The following PCDH7 variants were observed in gnomAD, a reference collection of about 807,000 sequenced individuals.
The protein encoded by PCDH7 is protocadherin 7.
In PCDH7, 17 loss-of-function variants were observed where a neutral mutation model predicts 58.9. The observed-to-expected ratio is 0.29, with a 90% CI of 0.20 to 0.43. The LOEUF is 0.43. Among genes scored for constraint, PCDH7 ranks in the 20% least tolerant of loss-of-function variants. The pLI is 1.00. For missense variants in PCDH7, 1,274 were observed against 1,441.0 expected (o/e 0.88, Z 1.88); for synonymous variants, 664 against 616.4 (o/e 1.08, Z -1.14).
At chr4:31,027,135 T>C (rs997120537) in intron 3 of PCDH7, among the ~76,000 whole-genome samples, 4 of 152,064 alleles carry the variant, frequency 2.6e-5, no homozygotes, top group Non-Finnish European at 5.9e-5. Context: ...TAAATTTATC[T>C]TTACCAGACC....
chr4:30,823,584 C>A (rs1303916776), intron 1 of PCDH7, among the ~76,000 whole-genome samples: 1 of 151,924 alleles, frequency 6.6e-6, no homozygotes, highest in Non-Finnish European at 1.5e-5. Context: ...GATGCTACCT[C>A]GGCGTACAGG....
chr4:30,817,664 A>G lies in PCDH7; in HGVS notation c.70+93068A>G, dbSNP rs576300695. ...TTGACCTGTCAGCATTTTTCAGGATATGGTGGATTTTTTTTTTTAGAGGGC... is the reference window on the plus strand; with the variant it reads ...TTGACCTGTCAGCATTTTTCAGGATGTGGTGGATTTTTTTTTTTAGAGGGC... On this transcript the variant is annotated intron_variant, in intron 1 of 3. Transcript: ENST00000509759. Among the ~76,000 whole-genome samples the G allele has an allele frequency of 3.0e-3, 460 of 151,924 alleles. 3 individuals are homozygous for G. Among genetic ancestry groups the G allele is most frequent in the Middle Eastern group, 6.8e-3 (2 of 294 alleles).
At chr4:31,125,153 A>T (rs1272779385) in intron 3 of PCDH7, among the ~76,000 whole-genome samples, 1 of 152,114 alleles carries the variant, frequency 6.6e-6, no homozygotes, top group African/African-American at 2.4e-5. Context: ...GTCTATTTTG[A>T]CTTGGATACA....
intron 1 of PCDH7, among the ~76,000 whole-genome samples, chr4:30,760,883 A>G (rs535483669): frequency 3.9e-5 from 6 of 152,258 alleles, no homozygotes; most frequent in Admixed American, 1.3e-4. Context: ...GGTCTTACAG[A>G]GTGGGGTGCC....
At chr4:30,942,392 CT>C (rs941051179) in intron 2 of PCDH7, among the ~76,000 whole-genome samples, 1 of 151,920 alleles carries the variant, frequency 6.6e-6, no homozygotes. Flanking sequence ...ATGAAGTGTG[CT>C]TTATATTTCA....
At chr4:31,055,777 A>C (rs1383549611) in intron 3 of PCDH7, among the ~76,000 whole-genome samples, 3 of 151,898 alleles carry the variant, frequency 2.0e-5, no homozygotes, top group Admixed American at 2.0e-4. Context: ...GGGTTTCGCC[A>C]TGTTAGCCAG....
intron 1 of PCDH7, among the ~76,000 whole-genome samples, chr4:30,911,242 G>A (rs1409097263): frequency 1.3e-5 from 2 of 151,586 alleles, no homozygotes; most frequent in Non-Finnish European, 2.9e-5. Flanking sequence ...GAACCACCAG[G>A]GCATCTGTAT....
At chr4:30,732,168 GA>G (rs1448956468) in exon 2 of PCDH7, 1 of 152,114 alleles carries the variant, frequency 6.6e-6, no homozygotes. Flanking sequence ...GAAATTTTCA[GA>G]AACATCACTG....
At chr4:30,916,117 G>T (rs1281552476) in intron 1 of PCDH7, among the ~76,000 whole-genome samples, 1 of 152,124 alleles carries the variant, frequency 6.6e-6, no homozygotes, top group Non-Finnish European at 1.5e-5. Context: ...AAAATAATGG[G>T]CATAAAAATA....
intron 1 of PCDH7, among the ~76,000 whole-genome samples, chr4:30,745,335 A>C (rs1717641021): frequency 6.6e-6 from 1 of 150,516 alleles, no homozygotes; most frequent in Non-Finnish European, 1.5e-5. Context: ...TTCTTTTACA[A>C]TTTCTAATTA....
At chr4:30,845,568 C>T (rs1460537384) in intron 1 of PCDH7, among the ~76,000 whole-genome samples, 4 of 151,986 alleles carry the variant, frequency 2.6e-5, no homozygotes, top group Non-Finnish European at 4.4e-5. Flanking sequence ...AGTTACAACG[C>T]AATAGGAAAT....
At chr4:30,744,145 C>G (rs1717453933) in intron 1 of PCDH7, among the ~76,000 whole-genome samples, 1 of 152,064 alleles carries the variant, frequency 6.6e-6, no homozygotes, top group Admixed American at 6.6e-5. Flanking sequence ...CTCACTGTCT[C>G]AGAGGAAGTC....
chr4:30,853,397 G>A (rs997706225), intron 1 of PCDH7, among the ~76,000 whole-genome samples: 6 of 151,996 alleles, frequency 3.9e-5, no homozygotes, highest in Admixed American at 1.3e-4. Context: ...AGTCTTCTAG[G>A]TGTAGCCACA....
At chr4:31,110,591 G>A (rs1716160179) in intron 3 of PCDH7, among the ~76,000 whole-genome samples, 1 of 152,092 alleles carries the variant, frequency 6.6e-6, no homozygotes, top group Non-Finnish European at 1.5e-5. Context: ...AGTAGTTCAT[G>A]GCTTTGGATA....
intron 1 of PCDH7, among the ~76,000 whole-genome samples, chr4:30,835,736 T>C (rs1730412641): frequency 6.6e-6 from 1 of 152,170 alleles, no homozygotes; most frequent in Admixed American, 6.5e-5. Flanking sequence ...ATCTGTAAAG[T>C]GGGGCTAATA....
intron 1 of PCDH7, among the ~76,000 whole-genome samples, chr4:30,900,031 C>G (rs1740010433): frequency 6.6e-6 from 1 of 152,144 alleles, no homozygotes; most frequent in South Asian, 2.1e-4. Context: ...TTTCCTAAAA[C>G]CATATCGTCT....
At chr4:31,003,619 G>A (rs1361316741) in intron 3 of PCDH7, among the ~76,000 whole-genome samples, 3 of 152,024 alleles carry the variant, frequency 2.0e-5, no homozygotes, top group African/African-American at 4.8e-5. Flanking sequence ...AAAAGGTTCC[G>A]ATTTGGGGCC....
chr4:31,117,457 GAATTC>G (rs1717139612), intron 3 of PCDH7, among the ~76,000 whole-genome samples: 1 of 140,846 alleles, frequency 7.1e-6, no homozygotes, highest in African/African-American at 2.9e-5. Flanking sequence ...AGAAATATTA[GAATTC>G]AGAGACATAG....
At chr4:30,964,432 G>A (rs1278094168) in intron 3 of PCDH7, among the ~76,000 whole-genome samples, 2 of 151,722 alleles carry the variant, frequency 1.3e-5, no homozygotes, top group Non-Finnish European at 2.9e-5. Context: ...TAGTAGAGAC[G>A]GGGTTTCACC....
Sources: allele counts gnomAD v4.1 joint callset (sites outside exome capture counted in the v4.1 genomes callset), GRCh38; gene constraint gnomAD v4.1.1; transcripts MANE v1.5; gene names NCBI Gene and HGNC (gene_info 2026-07-23, HGNC 2026-07-21).